Variants in TMEM135 observed in about 807,000 individuals in gnomAD.
TMEM135 encodes the protein peroxisomal membrane protein 52.
In TMEM135, 30 loss-of-function variants were observed where a neutral mutation model predicts 60.3. That is an observed-to-expected ratio of 0.50 (90% CI 0.37 to 0.68). TMEM135 has a LOEUF of 0.68. TMEM135 is among the 30% of genes least tolerant of loss of function. The pLI is 0.00. For missense variants in TMEM135, 468 were observed against 548.8 expected, an observed-to-expected ratio of 0.85 and a Z score of 1.47; for synonymous variants, 190 against 186.7, an observed-to-expected ratio of 1.02 and a Z score of -0.14.
intron 4 of TMEM135, chr11:87,094,721 A>G: frequency 4.9e-6 from 1 of 205,002 alleles, no homozygotes. Flanking sequence ...CTTTCTGAGC[A>G]CTCAATGAAT....
intron 6 of TMEM135, among the ~76,000 whole-genome samples, chr11:87,289,939 A>G (rs1261415243): frequency 6.6e-6 from 1 of 152,116 alleles, no homozygotes; most frequent in Non-Finnish European, 1.5e-5. Context: ...CAGTCCATCC[A>G]TGTTGCTGCA....
At chr11:87,089,034 G>A (rs1857152907) in intron 3 of TMEM135, among the ~76,000 whole-genome samples, 1 of 152,008 alleles carries the variant, frequency 6.6e-6, no homozygotes, top group Non-Finnish European at 1.5e-5. Flanking sequence ...TATTTAGGTT[G>A]GTGCAAAAGT....
At chr11:87,116,550 G>A (rs904827070) in intron 4 of TMEM135, among the ~76,000 whole-genome samples, 3 of 147,314 alleles carry the variant, frequency 2.0e-5, no homozygotes, top group Non-Finnish European at 3.0e-5. Flanking sequence ...ATTTAAATTA[G>A]CTGTCTTAAT....
At chr11:87,148,334 C>G (rs1591056150) in intron 4 of TMEM135, among the ~76,000 whole-genome samples, 1 of 152,234 alleles carries the variant, frequency 6.6e-6, no homozygotes, top group East Asian at 1.9e-4. Flanking sequence ...AGTGCTTTCC[C>G]ATAGAAACAA....
At chr11:87,056,575 C>A (rs538992377) in intron 1 of TMEM135, among the ~76,000 whole-genome samples, 153 of 152,322 alleles carry the variant, frequency 1.0e-3, no homozygotes, top group African/African-American at 3.4e-3. Context: ...AATTATTAGA[C>A]TTTAATATTA....
chr11:87,325,501 T>TCC lies in TMEM135; in HGVS notation c.*4170_*4171dup, dbSNP rs1565174638. 1 of 439,978 alleles carries TCC rather than the reference T, an allele frequency of 2.3e-6. No homozygotes were observed. The highest frequency in any genetic ancestry group is 4.6e-6 in the Non-Finnish European group (1 of 219,068). The allele number at this position is 439,978 out of a possible 1,614,324, so 27.3% of individuals were successfully genotyped here. The stretch of plus-strand genomic sequence containing the variant: ...CTGTTTTATGTGGGCTCTCTCTCTC[T>TCC]CCCTCTCTCTCTCTCTCTGTCTGTC... On this transcript the variant is annotated 3_prime_UTR_variant, in exon 15 of 15. Coordinates refer to ENST00000305494, the MANE Select transcript of TMEM135 (RefSeq NM_022918.4).
At chr11:87,219,954 T>G (rs1313423137) in intron 5 of TMEM135, among the ~76,000 whole-genome samples, 1 of 152,236 alleles carries the variant, frequency 6.6e-6, no homozygotes, top group Non-Finnish European at 1.5e-5. Context: ...AATTGGATAA[T>G]TTATTTTTGC....
intron 3 of TMEM135, among the ~76,000 whole-genome samples, chr11:87,087,818 C>A (rs959866201): frequency 4.6e-5 from 7 of 152,094 alleles, no homozygotes; most frequent in Non-Finnish European, 7.4e-5. Flanking sequence ...CCCACTGCAA[C>A]CTCTGCGTCC....
At chr11:87,156,048 C>G (rs1938686702) in intron 4 of TMEM135, among the ~76,000 whole-genome samples, 1 of 152,138 alleles carries the variant, frequency 6.6e-6, no homozygotes, top group Non-Finnish European at 1.5e-5. Flanking sequence ...TATTTCTATT[C>G]AAAATTCTTG....
intron 4 of TMEM135, among the ~76,000 whole-genome samples, chr11:87,151,497 T>A (rs1938554889): frequency 6.6e-6 from 1 of 152,148 alleles, no homozygotes; most frequent in Non-Finnish European, 1.5e-5. Flanking sequence ...TGCTCTGTCT[T>A]TCCTGTTAAA....
At chr11:87,086,527 G>A (rs914162484) in intron 3 of TMEM135, among the ~76,000 whole-genome samples, 1 of 152,102 alleles carries the variant, frequency 6.6e-6, no homozygotes, top group Admixed American at 6.5e-5. Flanking sequence ...GAGGAGACGT[G>A]GGGGTGGTCC....
intron 6 of TMEM135, among the ~76,000 whole-genome samples, chr11:87,252,791 A>AAAAT (rs1555124807): frequency 1.9e-5 from 2 of 106,116 alleles, no homozygotes; most frequent in East Asian, 2.4e-4. Flanking sequence ...AAAAAATTAA[A>AAAAT]ATATATATGT....
intron 4 of TMEM135, among the ~76,000 whole-genome samples, chr11:87,111,556 C>T (rs1161215811): frequency 6.7e-6 from 1 of 149,082 alleles, no homozygotes; most frequent in Non-Finnish European, 1.5e-5. Flanking sequence ...GAGGCTGAGG[C>T]AGGAGAATGG....
intron 5 of TMEM135, among the ~76,000 whole-genome samples, chr11:87,232,220 G>A (rs1017335699): frequency 2.0e-5 from 3 of 152,074 alleles, no homozygotes; most frequent in African/African-American, 7.2e-5. Flanking sequence ...CAAAGTGCTG[G>A]GGTTACAGGG....
intron 1 of TMEM135, among the ~76,000 whole-genome samples, chr11:87,041,877 A>G (rs999623568): frequency 6.6e-6 from 1 of 152,236 alleles, no homozygotes; most frequent in Non-Finnish European, 1.5e-5. Flanking sequence ...GACCAAGGAT[A>G]TTGGGGCAGT....
At chr11:87,123,897 C>A (rs1182708941) in intron 4 of TMEM135, among the ~76,000 whole-genome samples, 3 of 152,118 alleles carry the variant, frequency 2.0e-5, no homozygotes, top group Non-Finnish European at 4.4e-5. Flanking sequence ...ATGAAACAAG[C>A]TGAAAACATT....
intron 1 of TMEM135, among the ~76,000 whole-genome samples, chr11:87,060,722 A>T (rs960267288): frequency 2.7e-5 from 4 of 150,602 alleles, no homozygotes; most frequent in African/African-American, 9.8e-5. Flanking sequence ...GGCTCACTGC[A>T]AACTCTGCCT....
intron 4 of TMEM135, among the ~76,000 whole-genome samples, chr11:87,154,285 C>A (rs904893976): frequency 1.3e-5 from 2 of 152,250 alleles, no homozygotes; most frequent in African/African-American, 2.4e-5. Flanking sequence ...CAGTGCTCAT[C>A]CATGTTGTAT....
chr11:87,104,360 G>A (rs1170483695), intron 4 of TMEM135, among the ~76,000 whole-genome samples: 1 of 152,118 alleles, frequency 6.6e-6, no homozygotes, highest in African/African-American at 2.4e-5. Flanking sequence ...TTTAAAATCA[G>A]GGAATGTGAT....
Sources: allele counts gnomAD v4.1 joint callset (sites outside exome capture counted in the v4.1 genomes callset), GRCh38; gene constraint gnomAD v4.1.1; transcripts MANE v1.5; gene names NCBI Gene and HGNC (gene_info 2026-07-23, HGNC 2026-07-21).